HMG20A: variants seen among roughly 807,000 people sequenced by gnomAD.
HMG20A encodes the protein high mobility group protein 20A.
HMG20A carries 17 observed loss-of-function variants against 43.9 expected under a neutral mutation model. The observed-to-expected ratio is 0.39, with a 90% CI of 0.27 to 0.58. The LOEUF (loss-of-function observed/expected upper bound fraction) is 0.58. HMG20A is among the 20% of genes least tolerant of loss of function. HMG20A has a pLI of 0.59. For missense variants in HMG20A, 341 were observed against 438.2 expected (o/e 0.78, Z 1.98); for synonymous variants, 132 against 147.5 (o/e 0.89, Z 0.76).
At chr15:77,475,638 G>A (rs1240012888) in intron 6 of HMG20A, among the ~76,000 whole-genome samples, 1 of 152,242 alleles carries the variant, frequency 6.6e-6, no homozygotes, top group East Asian at 1.9e-4. Context: ...AATGTCCTAA[G>A]TCTTTATGCT....
At chr15:77,495,995 G>A in the HMG20A span, among the ~76,000 whole-genome samples, 1 of 152,142 alleles carries the variant, frequency 6.6e-6, no homozygotes, top group Non-Finnish European at 1.5e-5. Context: ...GGCTGCTTCT[G>A]GCTTCCTCTT....
At chr15:77,463,904 A>T (rs2072729668) in intron 2 of HMG20A, among the ~76,000 whole-genome samples, 1 of 152,192 alleles carries the variant, frequency 6.6e-6, no homozygotes. Context: ...TACATTGGAG[A>T]TACATGAAAG....
Position 77,468,572 on chromosome 15 carries a change from T to TTCTC in HMG20A, c.450+1285_450+1288dup, listed in dbSNP as rs34591065. 4.1e-3 allele frequency among the ~76,000 whole-genome samples: 581 copies of TTCTC among 141,958 alleles called. 5 individuals carry two copies. The highest frequency in any genetic ancestry group is 0.024 in the South Asian group (107 of 4,400). 93.1% of individuals were successfully genotyped at this position (141,958 alleles called of 152,430 possible). On this transcript the variant is annotated intron_variant, in intron 4 of 9. Coordinates refer to ENST00000336216, the MANE Select transcript of HMG20A (RefSeq NM_001304504.2). Reference sequence around the variant, plus strand: ...TCTTATACTTTTGCATGCTCAGTCTTTCTCTCTCTCTCTCTCTCTCTCTGT... The same window carrying TTCTC: ...TCTTATACTTTTGCATGCTCAGTCTTTCTCTCTCTCTCTCTCTCTCTCTCTCTGT...
At chr15:77,514,937 T>C in the HMG20A span, among the ~76,000 whole-genome samples, 1 of 152,058 alleles carries the variant, frequency 6.6e-6, no homozygotes, top group Non-Finnish European at 1.5e-5. Context: ...TGATGATAAA[T>C]CGTAGGTGGG....
the HMG20A span, among the ~76,000 whole-genome samples, chr15:77,505,388 A>G: frequency 2.6e-5 from 4 of 152,192 alleles, no homozygotes; most frequent in Admixed American, 2.0e-4. Context: ...GGGACTCAGG[A>G]TGGCCCAGTC....
At chr15:77,423,884 T>G (rs1314486478) in intron 1 of HMG20A, among the ~76,000 whole-genome samples, 1 of 152,202 alleles carries the variant, frequency 6.6e-6, no homozygotes, top group East Asian at 1.9e-4. Context: ...CCTTACTGCT[T>G]TGCTGTCTCT....
chr15:77,498,207 C>T, the HMG20A span, among the ~76,000 whole-genome samples: 2 of 152,190 alleles, frequency 1.3e-5, no homozygotes, highest in South Asian at 4.1e-4. Flanking sequence ...ACTTCATTAC[C>T]GGATCCTCAG....
chr15:77,452,558 G>A (rs965109888), intron 1 of HMG20A, among the ~76,000 whole-genome samples: 3 of 152,120 alleles, frequency 2.0e-5, no homozygotes, highest in Non-Finnish European at 2.9e-5. Flanking sequence ...ACAACAAATG[G>A]CAGTTGCAGA....
At chr15:77,517,187 G>A in the HMG20A span, among the ~76,000 whole-genome samples, 119 of 152,278 alleles carry the variant, frequency 7.8e-4, 1 homozygote, top group African/African-American at 2.7e-3. Context: ...CCATCCCTGC[G>A]GAGACCATCA....
the HMG20A span, among the ~76,000 whole-genome samples, chr15:77,510,292 A>T: frequency 1.3e-5 from 2 of 152,202 alleles, no homozygotes; most frequent in African/African-American, 4.8e-5. Context: ...CTGGCTGCGC[A>T]TGGATGATGA....
At chr15:77,492,691 C>T in the HMG20A span, among the ~76,000 whole-genome samples, 1 of 151,968 alleles carries the variant, frequency 6.6e-6, no homozygotes, top group African/African-American at 2.4e-5. Flanking sequence ...CATGATGGGG[C>T]TCCAAGATAC....
intron 6 of HMG20A, among the ~76,000 whole-genome samples, chr15:77,476,216 T>G (rs2072853566): frequency 6.6e-6 from 1 of 152,146 alleles, no homozygotes; most frequent in South Asian, 2.1e-4. Context: ...GCACGGTGGC[T>G]CAAGCCTGTA....
intron 6 of HMG20A, among the ~76,000 whole-genome samples, chr15:77,473,297 T>C (rs2072826850): frequency 6.6e-6 from 1 of 152,252 alleles, no homozygotes; most frequent in South Asian, 2.1e-4. Context: ...ATGTATTCTT[T>C]GTATTTTAAA....
chr15:77,443,372 TG>T (rs1567394350), intron 1 of HMG20A, among the ~76,000 whole-genome samples: 66 of 133,288 alleles, frequency 5.0e-4, no homozygotes, highest in South Asian at 1.2e-3. Flanking sequence ...ATGATGATGA[TG>T]ATGATGATTA....
At chr15:77,451,181 A>C (rs983804652) in intron 1 of HMG20A, among the ~76,000 whole-genome samples, 7 of 152,216 alleles carry the variant, frequency 4.6e-5, no homozygotes, top group Non-Finnish European at 1.0e-4. Flanking sequence ...CATCTTGGTT[A>C]TGCCCAAGTT....
the HMG20A span, among the ~76,000 whole-genome samples, chr15:77,510,147 C>G: frequency 2.8e-4 from 43 of 152,106 alleles, no homozygotes; most frequent in African/African-American, 9.9e-4. Context: ...GGCTTGTGAC[C>G]CTAGATAGTC....
chr15:77,466,160 C>T (rs2072754989), intron 3 of HMG20A, among the ~76,000 whole-genome samples: 1 of 152,144 alleles, frequency 6.6e-6, no homozygotes, highest in Admixed American at 6.5e-5. Context: ...GCTGGTGGAT[C>T]ACCTGAGGTC....
At chr15:77,433,377 C>T in intron 1 of HMG20A, among the ~76,000 whole-genome samples, 1 of 148,374 alleles carries the variant, frequency 6.7e-6, no homozygotes, top group East Asian at 2.0e-4. Context: ...TCAAAGAAAA[C>T]CAGGTCTACC....
the HMG20A span, among the ~76,000 whole-genome samples, chr15:77,519,399 T>C: frequency 2.0e-5 from 3 of 152,172 alleles, no homozygotes; most frequent in African/African-American, 4.8e-5. Flanking sequence ...AAAACTTAGA[T>C]AGATCATGCT....
Sources: allele counts gnomAD v4.1 joint callset (sites outside exome capture counted in the v4.1 genomes callset), GRCh38; gene constraint gnomAD v4.1.1; transcripts MANE v1.5; gene names NCBI Gene and HGNC (gene_info 2026-07-23, HGNC 2026-07-21).